FAIM2: variants seen among roughly 807,000 people sequenced by gnomAD.
The protein encoded by FAIM2 is Fas apoptotic inhibitory molecule 2.
In FAIM2, 27 loss-of-function variants were observed where a neutral mutation model predicts 47.4. The ratio of observed to expected loss-of-function variants is 0.57; its 90% CI spans 0.42 to 0.78. The LOEUF (loss-of-function observed/expected upper bound fraction) is 0.78, where lower values mean the gene tolerates loss of function less well. FAIM2 is among the 30% of genes least tolerant of loss of function. The pLI is 0.00. For missense variants in FAIM2, 311 were observed against 389.4 expected (o/e 0.80, Z 1.69); for synonymous variants, 156 against 159.3 (o/e 0.98, Z 0.16).
At chr12:49,900,118 G>T in intron 2 of FAIM2, 4 of 993,634 alleles carry the variant, frequency 4.0e-6, no homozygotes, top group East Asian at 6.1e-5. Flanking sequence ...GCCGGCGGGT[G>T]TGTAGGGAAG....
intron 6 of FAIM2, 69 bp from the exon 7 acceptor site, chr12:49,890,791 G>A (rs1946894835): frequency 7.2e-6 from 10 of 1,388,140 alleles, no homozygotes; most frequent in Non-Finnish European, 9.2e-6. Flanking sequence ...CTGTGACACT[G>A]TTGCAGGGAG....
At chr12:49,895,309 C>G (rs74614993) in intron 5 of FAIM2, among the ~76,000 whole-genome samples, 76 of 152,228 alleles carry the variant, frequency 5.0e-4, no homozygotes, top group African/African-American at 1.8e-3. Flanking sequence ...GATTCTCACA[C>G]TGCACCCTCC....
Position 49,901,382 on chromosome 12 carries a change from C to T in FAIM2, c.16-57G>A. The T allele has an allele frequency of 2.3e-6, 3 of 1,328,810 alleles. No homozygotes were observed. The South Asian group carries it at 4.6e-5, about 20-fold the overall frequency. 82.3% of individuals were successfully genotyped at this position (1,328,810 alleles called of 1,614,324 possible). A position where few individuals can be genotyped will look rare whatever the true frequency, so the allele number is the denominator to read the frequency against. On this transcript the variant is annotated intron_variant, in intron 1 of 11. Coordinates refer to ENST00000320634, the MANE Select transcript of FAIM2 (RefSeq NM_012306.4). The stretch of plus-strand genomic sequence containing the variant: ...ACCAGGGAAAGGGAGCCTTCCAACT[C>T]CTCCTCCTCACCAACTCTTCAATTC...
At position 49,890,690 on chromosome 12, in the gene FAIM2, G is replaced by A. The variant is rs775529038; in HGVS notation, c.518C>T (p.Thr173Ile). The A allele has an allele frequency of 2.5e-6, 4 of 1,613,974 alleles. No individual in the cohort carries two copies. Among genetic ancestry groups the A allele is most frequent in the Non-Finnish European group, 3.4e-6 (4 of 1,179,900 alleles). ...RHFPWNLILL[T>I]VFTLSMAYLT... Reference sequence around the variant, plus strand: ...ACACCCAGGATCACTTACAAAGACGGTCAGGAGAATCAGGTTCCAGGGGAA... The same window carrying A: ...ACACCCAGGATCACTTACAAAGACGATCAGGAGAATCAGGTTCCAGGGGAA... Residue 173 changes from threonine (T) to isoleucine (I), a missense_variant, in exon 7 of 12, where the codon ACC (threonine) becomes ATC (isoleucine). By Grantham distance (89) the Thr-to-Ile change is moderately conservative. Transcript: ENST00000320634.
At chr12:49,871,847 G>T (rs1398132211) in intron 11 of FAIM2, among the ~76,000 whole-genome samples, 1 of 151,960 alleles carries the variant, frequency 6.6e-6, no homozygotes, top group Non-Finnish European at 1.5e-5. Flanking sequence ...TGTATTTTTA[G>T]CAGAGACGGG....
chr12:49,870,732 C>A, intron 11 of FAIM2, 79 bp from the exon 12 acceptor site: 1 of 1,433,884 alleles, frequency 7.0e-7, no homozygotes, highest in South Asian at 1.2e-5. Context: ...CAGGTGTCCC[C>A]CTCAGCCCCA....
intron 5 of FAIM2, among the ~76,000 whole-genome samples, chr12:49,895,333 C>T (rs1946928748): frequency 6.6e-6 from 1 of 152,020 alleles, no homozygotes; most frequent in Admixed American, 6.5e-5. Flanking sequence ...TCCCCCCATC[C>T]CCCCCAATGG....
intron 11 of FAIM2, among the ~76,000 whole-genome samples, chr12:49,871,289 G>A (rs920434144): frequency 6.6e-6 from 1 of 152,224 alleles, no homozygotes. Flanking sequence ...TGAGCAGGCC[G>A]GCTTCGGAGC....
At chr12:49,897,841 A>C in intron 3 of FAIM2, 146 bp downstream of exon 3, 1 of 680,860 alleles carries the variant, frequency 1.5e-6, no homozygotes, top group Admixed American at 2.3e-5. Flanking sequence ...ACACCTAAGG[A>C]AGCAATTCCT....
chr12:49,895,892 A>G (rs1162502490), intron 5 of FAIM2, among the ~76,000 whole-genome samples: 1 of 152,170 alleles, frequency 6.6e-6, no homozygotes, highest in Non-Finnish European at 1.5e-5. Flanking sequence ...ACGAGGCCCC[A>G]CTGCTCTCCA....
Position 49,889,217 on chromosome 12 carries a change from T to A in FAIM2, c.652-15A>T, listed in dbSNP as rs1441153365. ...GTGAAGTCGAACTGTGGGGACAGGA[T>A]GGGGTTAGCTGCAGGAGCGGCCTGA... On this transcript the variant is annotated splice_polypyrimidine_tract_variant and intron_variant, in intron 9 of 11. Transcript: ENST00000320634. 1.3e-6 allele frequency: 2 copies of A among 1,598,136 alleles called. No homozygotes were observed. Among genetic ancestry groups the A allele is most frequent in the Non-Finnish European group, 1.7e-6 (2 of 1,170,260 alleles).
chr12:49,893,371 G>A (rs1946913814), intron 5 of FAIM2, among the ~76,000 whole-genome samples: 3 of 152,170 alleles, frequency 2.0e-5, no homozygotes, highest in Non-Finnish European at 2.9e-5. Context: ...GCCTGGGTTA[G>A]AGGGGGGCAT....
At chr12:49,900,030 C>A in intron 2 of FAIM2, 1 of 321,244 alleles carries the variant, frequency 3.1e-6, no homozygotes, top group East Asian at 8.4e-5. Flanking sequence ...TCACTTCTCC[C>A]TCGTGTCCTG....
At position 49,870,520 on chromosome 12, in the gene FAIM2, C is replaced by T; in HGVS notation, c.935G>A (p.Gly312Asp). 2 of 1,613,582 alleles carry T rather than the reference C, an allele frequency of 1.2e-6. No homozygotes were observed. Among genetic ancestry groups the T allele is most frequent in the Non-Finnish European group, 1.7e-6 (2 of 1,179,796 alleles). The change falls in exon 12 of 12, where the codon GGC (glycine) becomes GAC (aspartate). Residue 312 changes from glycine (G) to aspartate (D), a missense_variant. Physicochemically the swap from Gly to Asp is moderately conservative, Grantham distance 94. Coordinates refer to ENST00000320634, the MANE Select transcript of FAIM2 (RefSeq NM_012306.4). The stretch of plus-strand genomic sequence containing the variant: ...GAGGGCTCCTCATTCTCGGTTAGTG[C>T]CAAAAAGCTGCAGGAAGAAGGTGAA... ...YIFTFFLQLF[G>D]TNRE is the part of the protein sequence containing the mutation.
chr12:49,890,159 A>T lies in FAIM2; in HGVS notation c.526-5T>A. On this transcript the variant is annotated splice_region_variant and splice_polypyrimidine_tract_variant and intron_variant, in intron 7 of 11. Coordinates refer to ENST00000320634, the MANE Select transcript of FAIM2 (RefSeq NM_012306.4). ...GAGGTAGGCCATGGACAGGGTCTGA[A>T]AGGAGAAGCAGGGTAAAGGAATGTT... 1 of 1,613,966 alleles carries T rather than the reference A, an allele frequency of 6.2e-7. No homozygotes were observed. The highest frequency in any genetic ancestry group is 8.5e-7 in the Non-Finnish European group (1 of 1,179,886).
Position 49,889,163 on chromosome 12 carries a change from G to C in FAIM2, c.691C>G (p.Leu231Val), listed in dbSNP as rs1946881942. 6.2e-7 allele frequency: 1 copy of C among 1,612,628 alleles called. No individual in the cohort carries two copies. Among genetic ancestry groups the C allele is most frequent in the Non-Finnish European group, 8.5e-7 (1 of 1,179,442 alleles). The change falls in exon 10 of 12, where the codon CTC becomes GTC. Residue 231 changes from leucine to valine, a missense_variant. Leu to Val is a conservative substitution (Grantham distance 32, BLOSUM62 1). Transcript: ENST00000320634. ...TSCQGVLFVL[L>V]MTLFFSGLIL... Reference sequence around the variant, plus strand: ...AGTCCGCTGAAGAAAAGAGTCATGAGAAGCACGAAGAGCACGCCCTGGCAG... The same window carrying C: ...AGTCCGCTGAAGAAAAGAGTCATGACAAGCACGAAGAGCACGCCCTGGCAG...
rs1312571496 is a variant in FAIM2, at chr12:49,901,162, G to A, written c.179C>T (p.Pro60Leu). Residue 60 changes from proline to leucine, a missense_variant, in exon 2 of 12, where the codon CCT (proline) becomes CTT (leucine). By Grantham distance (98) the Pro-to-Leu change is moderately conservative. Coordinates refer to ENST00000320634, the MANE Select transcript of FAIM2 (RefSeq NM_012306.4). ...CACATAGGCCCAGCTAGGGTGGAGAGGCACCGCTGTGGGGGCTGGGGGGAA... is the reference window on the plus strand; with the variant it reads ...CACATAGGCCCAGCTAGGGTGGAGAAGCACCGCTGTGGGGGCTGGGGGGAA... ...GAFPPAPTAV[P>L]LHPSWAYVDP... is the part of the protein sequence containing the mutation. 6.2e-7 allele frequency: 1 copy of A among 1,605,996 alleles called. No homozygotes were observed. The highest frequency in any genetic ancestry group is 8.5e-7 in the Non-Finnish European group (1 of 1,176,888).
chr12:49,890,573 C>T (rs536711863), intron 7 of FAIM2, 110 bp downstream of exon 7: 25 of 1,010,690 alleles, frequency 2.5e-5, no homozygotes, highest in Admixed American at 8.6e-5. Context: ...CGCCAGGGAC[C>T]TCACATTGGA....
chr12:49,895,550 C>T (rs969608802), intron 5 of FAIM2, among the ~76,000 whole-genome samples: 9 of 152,206 alleles, frequency 5.9e-5, no homozygotes, highest in African/African-American at 1.2e-4. Context: ...TGGGCTGGCC[C>T]AGGTGGTAGT....
Sources: allele counts gnomAD v4.1 joint callset (sites outside exome capture counted in the v4.1 genomes callset), GRCh38; gene constraint gnomAD v4.1.1; transcripts MANE v1.5; gene names NCBI Gene and HGNC (gene_info 2026-07-23, HGNC 2026-07-21).